Variants in ALOX5AP observed in about 807,000 individuals in gnomAD.
ALOX5AP encodes the protein arachidonate 5-lipoxygenase activating protein.
Under a neutral mutation model 18.5 loss-of-function variants are expected in ALOX5AP, and 9 were observed. The ratio of observed to expected loss-of-function variants is 0.49; its 90% CI spans 0.29 to 0.85. ALOX5AP has a LOEUF of 0.85. Among genes scored for constraint, ALOX5AP ranks in the 40% least tolerant of loss-of-function variants. The pLI is 0.08. For missense variants in ALOX5AP, 172 were observed against 202.5 expected (o/e 0.85, Z 0.91); for synonymous variants, 81 against 78.6 (o/e 1.03, Z -0.16).
chr13:30,743,362 TTCCTCAAACCAAGGCTC>T (rs1428011700), intron 1 of ALOX5AP, among the ~76,000 whole-genome samples: 1 of 152,122 alleles, frequency 6.6e-6, no homozygotes, highest in Non-Finnish European at 1.5e-5. Flanking sequence ...AGAGCATCAG[TTCCTCAAACCAAGGCTC>T]TTTGTTTTGT....
intron 1 of ALOX5AP, among the ~76,000 whole-genome samples, chr13:30,736,601 A>G (rs1951724032): frequency 6.6e-6 from 1 of 152,198 alleles, no homozygotes; most frequent in East Asian, 1.9e-4. Context: ...TGAGTATTTA[A>G]TCACTTTGGG....
intron 1 of ALOX5AP, among the ~76,000 whole-genome samples, chr13:30,730,003 A>C (rs922247741): frequency 2.0e-5 from 3 of 152,238 alleles, no homozygotes; most frequent in Non-Finnish European, 2.9e-5. Flanking sequence ...GAAAAGGAAG[A>C]AGTTTTGCGG....
At chr13:30,747,778 GT>G (rs1951820800) in intron 2 of ALOX5AP, among the ~76,000 whole-genome samples, 1 of 152,148 alleles carries the variant, frequency 6.6e-6, no homozygotes, top group Non-Finnish European at 1.5e-5. Context: ...AGAGGGGAAT[GT>G]ATTATTTAAC....
intron 2 of ALOX5AP, among the ~76,000 whole-genome samples, chr13:30,751,813 G>A (rs1188997939): frequency 1.3e-5 from 2 of 152,186 alleles, no homozygotes; most frequent in African/African-American, 2.4e-5. Flanking sequence ...TCTCCCTTAC[G>A]CATCACCGTA....
At chr13:30,740,685 G>C (rs1951755828) in intron 1 of ALOX5AP, among the ~76,000 whole-genome samples, 2 of 152,170 alleles carry the variant, frequency 1.3e-5, no homozygotes, top group Admixed American at 1.3e-4. Flanking sequence ...GACTGAAGCA[G>C]GTTTGTTTTT....
chr13:30,736,300 A>T lies in ALOX5AP; in HGVS notation c.70+625A>T, dbSNP rs145330030. Among the ~76,000 whole-genome samples, 113 of 152,104 alleles carry T rather than the reference A, an allele frequency of 7.4e-4. 2 individuals carry two copies. In the Middle Eastern group the frequency reaches 0.037, roughly 50 times the overall value. ...CTTCAGAAAGAGAGAGAGAGAGAGG[A>T]AAATTGTCCTGTTCAGCGTTTGCAT... On this transcript the variant is annotated intron_variant, in intron 1 of 4. Coordinates refer to ENST00000380490, the MANE Select transcript of ALOX5AP (RefSeq NM_001629.4).
At chr13:30,731,892 G>T (rs1951684553), upstream of ALOX5AP, among the ~76,000 whole-genome samples, 1 of 152,228 alleles carries the variant, frequency 6.6e-6, no homozygotes, top group African/African-American at 2.4e-5. Flanking sequence ...GGGCAGGCAG[G>T]GCGGGCTGCG....
At chr13:30,743,459 C>T (rs955008602) in intron 1 of ALOX5AP, among the ~76,000 whole-genome samples, 16 of 151,076 alleles carry the variant, frequency 1.1e-4, no homozygotes, top group African/African-American at 3.9e-4. Flanking sequence ...AAGAATGATT[C>T]ATCACCTCCC....
chr13:30,722,665 C>T (rs1951603338), intron 1 of ALOX5AP, among the ~76,000 whole-genome samples: 1 of 152,214 alleles, frequency 6.6e-6, no homozygotes, highest in African/African-American at 2.4e-5. Context: ...TATTTGTTCC[C>T]TACAAATCTC....
chr13:30,723,152 A>G (rs17074914), intron 1 of ALOX5AP, among the ~76,000 whole-genome samples: 20,259 of 152,224 alleles, frequency 0.13, 1,374 homozygotes, highest in South Asian at 0.21. Context: ...CACCATACAT[A>G]TTTAAAAATA....
chr13:30,764,097 C>T lies in ALOX5AP; in HGVS notation c.477C>T (p.Leu159=), dbSNP rs1951969776. 1 of 1,613,928 alleles carries T rather than the reference C, an allele frequency of 6.2e-7. No individual in the cohort carries two copies. The highest frequency in any genetic ancestry group is 1.1e-5 in the South Asian group (1 of 91,038). ...TISTTISPLL[L]IP ...CCACCACCATCTCCCCTCTACTTCT[C>T]ATTCCCTAACTCTCTGCTGAATATG... Residue 159 remains leucine, a synonymous_variant, in exon 5 of 5, where the codon CTC becomes CTT. Transcript: ENST00000380490.
intron 2 of ALOX5AP, 188 bp downstream of exon 2, chr13:30,744,347 G>C (rs1391019218): frequency 1.1e-5 from 6 of 548,118 alleles, no homozygotes; most frequent in Middle Eastern, 5.0e-4. Context: ...GTGAGTGCTA[G>C]TGTCAAAACA....
At chr13:30,743,394 G>C (rs998190636) in intron 1 of ALOX5AP, among the ~76,000 whole-genome samples, 1 of 151,980 alleles carries the variant, frequency 6.6e-6, no homozygotes, top group Non-Finnish European at 1.5e-5. Context: ...TTTTGTTCTT[G>C]GATGCAAGCT....
intron 1 of ALOX5AP, among the ~76,000 whole-genome samples, chr13:30,719,202 T>G (rs1269792248): frequency 6.6e-6 from 1 of 152,192 alleles, no homozygotes; most frequent in African/African-American, 2.4e-5. Flanking sequence ...TTAAAGTCCT[T>G]TGTAAGAATT....
At chr13:30,713,538 AG>A (rs1566076187) in exon 1 of ALOX5AP, 8 of 567,324 alleles carry the variant, frequency 1.4e-5, no homozygotes, top group Non-Finnish European at 2.5e-5. Flanking sequence ...TGGGGTTGAA[AG>A]GGCCCGGACT....
chr13:30,724,298 C>T (rs1951619626), intron 1 of ALOX5AP, among the ~76,000 whole-genome samples: 1 of 152,134 alleles, frequency 6.6e-6, no homozygotes, highest in South Asian at 2.1e-4. Flanking sequence ...TGGATAATTC[C>T]ATTATAAGAA....
chr13:30,733,146 A>G (rs1308141776), upstream of ALOX5AP, among the ~76,000 whole-genome samples: 3 of 143,978 alleles, frequency 2.1e-5, no homozygotes, highest in African/African-American at 8.2e-5. Context: ...GCAACAGAGC[A>G]AGACTCCGTC....
chr13:30,756,344 C>T (rs1057285845), intron 4 of ALOX5AP, among the ~76,000 whole-genome samples: 1 of 152,154 alleles, frequency 6.6e-6, no homozygotes, highest in East Asian at 1.9e-4. Flanking sequence ...CAGAGTCTGG[C>T]GCTGGAATGA....
intron 2 of ALOX5AP, among the ~76,000 whole-genome samples, chr13:30,747,157 A>C (rs1951815877): frequency 6.6e-6 from 1 of 152,190 alleles, no homozygotes; most frequent in Non-Finnish European, 1.5e-5. Context: ...GACTCTGTTC[A>C]CGTGTATATT....
Sources: gnomAD v4.1 joint callset for allele counts (sites outside exome capture counted in the v4.1 genomes callset) on GRCh38, gnomAD v4.1.1 for gene constraint, MANE v1.5 for transcripts, NCBI Gene and HGNC (gene_info 2026-07-23, HGNC 2026-07-21) for gene names.